VPS13B: variants seen among roughly 807,000 people sequenced by gnomAD.
VPS13B encodes the protein intermembrane lipid transfer protein VPS13B.
A neutral mutation model predicts 426.4 loss-of-function variants in VPS13B; 285 were observed. The ratio of observed to expected loss-of-function variants is 0.67; its 90% CI spans 0.61 to 0.74. VPS13B has a LOEUF of 0.74. VPS13B is among the 30% of genes least tolerant of loss of function. The pLI, the probability that VPS13B is intolerant of heterozygous loss-of-function variation, is 0.00. For synonymous variants in VPS13B, 1,676 were observed against 1,676.4 expected, an observed-to-expected ratio of 1.00 and a Z score of 0.01; for missense variants, 4,537 against 4,782.6, an observed-to-expected ratio of 0.95 and a Z score of 1.51.
At chr8:99,809,130 G>A (rs1382000245) in intron 43 of VPS13B, among the ~76,000 whole-genome samples, 5 of 152,116 alleles carry the variant, frequency 3.3e-5, no homozygotes, top group African/African-American at 1.2e-4. Context: ...TTTACCATTT[G>A]ATAGGAAAAT....
rs1477200913 is a variant in VPS13B at position 99,766,653 on chromosome 8, A to G, written c.7051-121A>G. On this transcript the variant is annotated intron_variant, in intron 39 of 61. Transcript: ENST00000357162. Reference sequence around the variant, plus strand: ...AAATCCTAAACTACTGTCTTTTATAACCTTATTCTCCTCTAAAGGTCTTAA... The same window carrying G: ...AAATCCTAAACTACTGTCTTTTATAGCCTTATTCTCCTCTAAAGGTCTTAA... 9.7e-6 allele frequency: 8 copies of G among 827,352 alleles called. No homozygotes were observed. The African/African-American group carries it at 1.4e-4, about 14-fold the overall frequency. The allele number at this position is 827,352 out of a possible 1,614,324, so 51.3% of individuals were successfully genotyped here.
At chr8:99,475,726 T>A (rs559718916) in intron 24 of VPS13B, among the ~76,000 whole-genome samples, 1 of 152,176 alleles carries the variant, frequency 6.6e-6, no homozygotes, top group Non-Finnish European at 1.5e-5. Context: ...TGTATTTCCT[T>A]CCTATGTCTG....
chr8:99,082,877 CT>C (rs1179300228), intron 3 of VPS13B, among the ~76,000 whole-genome samples: 1 of 152,054 alleles, frequency 6.6e-6, no homozygotes, highest in African/African-American at 2.4e-5. Context: ...TTGTAGTATA[CT>C]TTGAAGTCAG....
intron 19 of VPS13B, among the ~76,000 whole-genome samples, chr8:99,372,231 G>A (rs1344520923): frequency 7.0e-6 from 1 of 142,132 alleles, no homozygotes. Context: ...CAGCCTGGGC[G>A]ACAGCGAGAC....
intron 33 of VPS13B, among the ~76,000 whole-genome samples, chr8:99,599,912 C>CA (rs1347645044): frequency 2.0e-5 from 3 of 152,030 alleles, no homozygotes; most frequent in East Asian, 1.9e-4. Flanking sequence ...CTTTGAGAGA[C>CA]AAAAAATACA....
At chr8:99,438,072 T>TG (rs1400245507) in intron 22 of VPS13B, among the ~76,000 whole-genome samples, 1 of 150,888 alleles carries the variant, frequency 6.6e-6, no homozygotes, top group Admixed American at 6.6e-5. Context: ...TGAGTTTTTC[T>TG]GAGTGGACTG....
At chr8:99,496,795 A>G in intron 25 of VPS13B, among the ~76,000 whole-genome samples, 1 of 152,164 alleles carries the variant, frequency 6.6e-6, no homozygotes, top group East Asian at 1.9e-4. Context: ...AAACTGTTAT[A>G]ACAACATAAA....
At chr8:99,079,086 C>T (rs930894191) in intron 3 of VPS13B, among the ~76,000 whole-genome samples, 1 of 152,084 alleles carries the variant, frequency 6.6e-6, no homozygotes, top group Non-Finnish European at 1.5e-5. Flanking sequence ...GAGTCAGTCT[C>T]CAGGGCTCTG....
intron 3 of VPS13B, among the ~76,000 whole-genome samples, chr8:99,060,643 A>G (rs1844134460): frequency 6.6e-6 from 1 of 152,076 alleles, no homozygotes; most frequent in African/African-American, 2.4e-5. Flanking sequence ...AAATAATATA[A>G]TCTTTTATTA....
chr8:99,144,596 C>G (rs1810605351), intron 13 of VPS13B, among the ~76,000 whole-genome samples: 1 of 152,028 alleles, frequency 6.6e-6, no homozygotes. Flanking sequence ...GGACCTACTT[C>G]CAATGATTGT....
intron 31 of VPS13B, among the ~76,000 whole-genome samples, chr8:99,568,661 G>A (rs1825314146): frequency 6.6e-6 from 1 of 152,040 alleles, no homozygotes; most frequent in Non-Finnish European, 1.5e-5. Flanking sequence ...AATATAAACA[G>A]AAGAATATCT....
chr8:99,074,943 T>G (rs1845040816), intron 3 of VPS13B, among the ~76,000 whole-genome samples: 1 of 152,080 alleles, frequency 6.6e-6, no homozygotes, highest in South Asian at 2.1e-4. Flanking sequence ...GGCCTGCAGT[T>G]TTTTAATTGT....
rs1261395754 is a variant in VPS13B at position 99,870,979 on chromosome 8, G to C, written c.11495+92G>C. 5.3e-6 allele frequency: 7 copies of C among 1,312,094 alleles called. No homozygotes were observed. In the East Asian group the frequency reaches 1.7e-4, roughly 32 times the overall value. The allele number at this position is 1,312,094 out of a possible 1,614,324, so 81.3% of individuals were successfully genotyped here. On this transcript the variant is annotated intron_variant, in intron 60 of 61. Coordinates refer to ENST00000357162, the MANE Select transcript of VPS13B (RefSeq NM_152564.5). ...CTCAAGCTAATGGGCCATGCTTCCAGGGAGCCCAGGAGTAGCCATTGTTGG... is the reference window on the plus strand; with the variant it reads ...CTCAAGCTAATGGGCCATGCTTCCACGGAGCCCAGGAGTAGCCATTGTTGG...
At chr8:99,793,891 A>G (rs1270068725) in intron 43 of VPS13B, among the ~76,000 whole-genome samples, 5 of 152,212 alleles carry the variant, frequency 3.3e-5, no homozygotes, top group Admixed American at 2.6e-4. Context: ...TGGCACTTCA[A>G]CTTCCTCTTC....
At chr8:99,063,304 T>TC (rs994250502) in intron 3 of VPS13B, among the ~76,000 whole-genome samples, 1 of 152,192 alleles carries the variant, frequency 6.6e-6, no homozygotes, top group African/African-American at 2.4e-5. Context: ...TCGGGGGATT[T>TC]CCCTTTCCTA....
rs546799661 is a variant in VPS13B at position 99,220,303 on chromosome 8, A to G, written c.2515+27246A>G. On this transcript the variant is annotated intron_variant, in intron 17 of 61. Coordinates refer to ENST00000357162, the MANE Select transcript of VPS13B (RefSeq NM_152564.5). ...AGTTTAAATTGGCTTTCTGTCACTGATTAAAATATGAGTCCTAGCAAATAC... is the reference window on the plus strand; with the variant it reads ...AGTTTAAATTGGCTTTCTGTCACTGGTTAAAATATGAGTCCTAGCAAATAC... Among the ~76,000 whole-genome samples, 3 of 152,320 alleles carry G rather than the reference A, an allele frequency of 2.0e-5. No homozygotes were observed. The East Asian group carries it at 5.8e-4, about 29-fold the overall frequency.
chr8:99,342,758 C>G (rs554912756), intron 19 of VPS13B, among the ~76,000 whole-genome samples: 1 of 152,236 alleles, frequency 6.6e-6, no homozygotes, highest in East Asian at 1.9e-4. Context: ...TGGTTATATA[C>G]CCAGAAGTGG....
intron 43 of VPS13B, among the ~76,000 whole-genome samples, chr8:99,805,242 CA>C (rs60211650): frequency 0.055 from 7,399 of 133,720 alleles, 179 homozygotes; most frequent in African/African-American, 0.064. Flanking sequence ...CTATAAAATG[CA>C]AAAAAAAAAA....
chr8:99,159,022 G>C (rs1811507240), intron 15 of VPS13B, among the ~76,000 whole-genome samples: 1 of 152,180 alleles, frequency 6.6e-6, no homozygotes, highest in Non-Finnish European at 1.5e-5. Flanking sequence ...ATGCTATTAA[G>C]AATATTTATG....
Sources: gnomAD v4.1 joint callset for allele counts (sites outside exome capture counted in the v4.1 genomes callset) on GRCh38, gnomAD v4.1.1 for gene constraint, MANE v1.5 for transcripts, NCBI Gene and HGNC (gene_info 2026-07-23, HGNC 2026-07-21) for gene names.